POMT1: variants seen among roughly 807,000 people sequenced by gnomAD.
POMT1 encodes the protein protein O-mannosyltransferase 1, also known as protein O-mannosyl-transferase 1.
Under a neutral mutation model 101.6 loss-of-function variants are expected in POMT1, and 85 were observed. The observed-to-expected ratio is 0.84, with a 90% CI of 0.70 to 1.00. The LOEUF is 1.00. Among genes scored for constraint, POMT1 ranks in the 50% least tolerant of loss-of-function variants. POMT1 has a pLI of 0.00. For missense variants in POMT1, 857 were observed against 930.4 expected (o/e 0.92, Z 1.03); for synonymous variants, 371 against 383.0 (o/e 0.97, Z 0.37).
intron 4 of POMT1, 33 bp downstream of exon 4, chr9:131,506,486 G>A (rs745837375): frequency 4.4e-6 from 7 of 1,575,738 alleles, no homozygotes; most frequent in East Asian, 4.5e-5. Context: ...CTTTTAATGT[G>A]CGCAGGTTAG....
chr9:131,505,163 A>C (rs779269106), intron 2 of POMT1, among the ~76,000 whole-genome samples: 27 of 150,342 alleles, frequency 1.8e-4, no homozygotes, highest in South Asian at 6.2e-4. Context: ...TGACCCCCCC[A>C]CACACACCAG....
At position 131,518,858 on chromosome 9, in the gene POMT1, G is replaced by A. The variant is rs1949301698; in HGVS notation, c.1387G>A (p.Asp463Asn). Residue 463 changes from aspartate (D) to asparagine (N), a missense_variant, in exon 15 of 20, where the codon GAC becomes AAC. Coordinates refer to ENST00000402686, the MANE Select transcript of POMT1 (RefSeq NM_001077365.2). Reference protein sequence around the residue: ...VLKLSGAHLPDWGYRQLEIVG... With the variant: ...VLKLSGAHLPNWGYRQLEIVG... Reference sequence around the variant, plus strand: ...CCAGCTGAGCGGGGCTCACCTCCCTGACTGGGGGTATCGGCAACTGGAGAT... The same window carrying A: ...CCAGCTGAGCGGGGCTCACCTCCCTAACTGGGGGTATCGGCAACTGGAGAT... The A allele has an allele frequency of 2.4e-5, 38 of 1,614,020 alleles. No individual in the cohort carries two copies. The highest frequency in any genetic ancestry group is 3.1e-5 in the Non-Finnish European group (36 of 1,180,032).
At chr9:131,515,704 A>AGC (rs1948195389) in intron 13 of POMT1, among the ~76,000 whole-genome samples, 182 bp downstream of exon 13, 1 of 144,336 alleles carries the variant, frequency 6.9e-6, no homozygotes, top group African/African-American at 2.6e-5. Flanking sequence ...CCTCACACGG[A>AGC]ACACTTCCTC....
chr9:131,521,686 C>T (rs1649324233), intron 18 of POMT1, among the ~76,000 whole-genome samples: 1 of 152,128 alleles, frequency 6.6e-6, no homozygotes, highest in Admixed American at 6.5e-5. Flanking sequence ...CTCTTTGTTT[C>T]TGTATTGTGG....
chr9:131,513,243 C>T lies in POMT1; in HGVS notation c.1087C>T (p.Gln363Ter), dbSNP rs200056620. Residue 363 changes from glutamine (Q) to a stop codon, truncating the protein, a stop_gained, in exon 12 of 20, where the codon CAG becomes TAG. Coordinates refer to ENST00000402686, the MANE Select transcript of POMT1 (RefSeq NM_001077365.2). LOFTEE classifies it high-confidence loss of function. Reference sequence around the variant, plus strand: ...CGACAGCACTGTGTCTTCCAGGCACCAGCTGGTGGTGAGCAGCCCTCCGAG... The same window carrying T: ...CGACAGCACTGTGTCTTCCAGGCACTAGCTGGTGGTGAGCAGCCCTCCGAG... ...WWIVKDPRRHQLVVSSPPRPV... is the reference protein window; with the variant it reads ...WWIVKDPRRH 6.8e-5 allele frequency: 110 copies of T among 1,613,006 alleles called. No homozygotes were observed. The highest frequency in any genetic ancestry group is 8.6e-5 in the Non-Finnish European group (102 of 1,179,954).
intron 5 of POMT1, 94 bp downstream of exon 5, chr9:131,507,608 A>G (rs566084369): frequency 6.4e-7 from 1 of 1,554,896 alleles, no homozygotes; most frequent in East Asian, 2.3e-5. Context: ...GGCGAGCTGC[A>G]CCAGAAAGTG....
chr9:131,521,111 G>A, intron 17 of POMT1: 2 of 558,206 alleles, frequency 3.6e-6, no homozygotes, highest in Non-Finnish European at 6.5e-6. Context: ...CCAAAGTGCT[G>A]GGATTACAGG....
At position 131,507,388 on chromosome 9, in the gene POMT1, G is replaced by C. The variant is rs199552424; in HGVS notation, c.301G>C (p.Val101Leu). 9.9e-6 allele frequency: 16 copies of C among 1,614,094 alleles called. No homozygotes were observed. The highest frequency in any genetic ancestry group is 3.3e-5 in the South Asian group (3 of 91,086). The change falls in exon 5 of 20, where the codon GTG (valine) becomes CTG (leucine). Residue 101 changes from valine (V) to leucine (L), a missense_variant. Val to Leu is a conservative substitution (Grantham distance 32). Transcript: ENST00000402686. ...TCCAGAATACAGTAGCAACGTGCCT[G>C]TGTGGTCCCTGCGCCTGCTGCCAGC... ...IGAEYSSNVP[V>L]WSLRLLPALA...
chr9:131,515,659 C>G lies in POMT1; in HGVS notation c.1272+137C>G, dbSNP rs528603826. 200 of 814,038 alleles carry G rather than the reference C, an allele frequency of 2.5e-4. 1 individual carries two copies. In the East Asian group the frequency reaches 5.1e-3, roughly 21 times the overall value. The allele number at this position is 814,038 out of a possible 1,614,324, so 50.4% of individuals were successfully genotyped here. A position where few individuals can be genotyped will look rare whatever the true frequency, so the allele number is the denominator to read the frequency against. ...CACTTCATCACACGGAGCACTTCCT[C>G]TAACACGGAGCACTTCCTCTAACAC... On this transcript the variant is annotated intron_variant, in intron 13 of 19. Coordinates refer to ENST00000402686, the MANE Select transcript of POMT1 (RefSeq NM_001077365.2).
rs761863400 is a variant in POMT1 at position 131,509,993 on chromosome 9, CAAT to C, written c.697_699del (p.Asn233del). ...ACCTGCTTGGAGACCAGACTTTGTC[CAAT>C]GTAGGTGCTGATGTCCAGTGCTGCA... On this transcript the variant is annotated inframe_deletion and splice_region_variant, in exon 8 of 20. Coordinates refer to ENST00000402686, the MANE Select transcript of POMT1 (RefSeq NM_001077365.2). The C allele has an allele frequency of 2.6e-5, 42 of 1,614,092 alleles. No homozygotes were observed. Among genetic ancestry groups the C allele is most frequent in the Non-Finnish European group, 3.6e-5 (42 of 1,180,054 alleles).
At chr9:131,520,693 C>T (rs76330816) in intron 17 of POMT1, among the ~76,000 whole-genome samples, 2 of 152,252 alleles carry the variant, frequency 1.3e-5, no homozygotes, top group Non-Finnish European at 2.9e-5. Flanking sequence ...GGCAGAGGCT[C>T]AGGCCCAGAG....
chr9:131,522,922 A>G lies in POMT1; in HGVS notation c.2004-10A>G. ...AGCCACCCTCCCCCACGCTGCTCTGACCTCTGCAGGTCCCAGCTCCAGAGG... is the reference window on the plus strand; with the variant it reads ...AGCCACCCTCCCCCACGCTGCTCTGGCCTCTGCAGGTCCCAGCTCCAGAGG... On this transcript the variant is annotated splice_polypyrimidine_tract_variant and intron_variant, in intron 19 of 19. Coordinates refer to ENST00000402686, the MANE Select transcript of POMT1 (RefSeq NM_001077365.2). The surrounding 1 kb of genome is among the most constrained non-coding windows in gnomAD (Gnocchi z 5.5). The G allele has an allele frequency of 6.3e-7, 1 of 1,579,470 alleles. No homozygotes were observed.
At position 131,511,655 on chromosome 9, in the gene POMT1, C is replaced by T. The variant is rs138034574; in HGVS notation, c.986+188C>T. 0.01 allele frequency: 7,176 copies of T among 717,094 alleles called. 108 individuals carry two copies. Among genetic ancestry groups the T allele is most frequent in the South Asian group, 0.026 (1,475 of 57,842 alleles). The allele number at this position is 717,094 out of a possible 1,614,324, so 44.4% of individuals were successfully genotyped here. A position where few individuals can be genotyped will look rare whatever the true frequency, so the allele number is the denominator to read the frequency against. On this transcript the variant is annotated intron_variant, in intron 10 of 19. Transcript: ENST00000402686. The stretch of plus-strand genomic sequence containing the variant: ...GTTGCTGGAGGGACTTGGCGTGTGG[C>T]AGGGCCCAGGGTCGGCCCCAGCTCT...
At position 131,504,747 on chromosome 9, in the gene POMT1, A is replaced by ATATGTGTGTGTGTG. The variant is rs56692415; in HGVS notation, c.122+408_122+409insATGTGTGTGTGTGT. 7.6e-3 allele frequency among the ~76,000 whole-genome samples: 936 copies of ATATGTGTGTGTGTG among 122,722 alleles called. 25 individuals carry two copies. Among genetic ancestry groups the ATATGTGTGTGTGTG allele is most frequent in the East Asian group, 0.02 (86 of 4,374 alleles). 80.5% of individuals were successfully genotyped at this position (122,722 alleles called of 152,430 possible). A position where few individuals can be genotyped will look rare whatever the true frequency, so the allele number is the denominator to read the frequency against. Reference sequence around the variant, plus strand: ...TGAAGGGCTCTTTATTAACTGATTAATGTGTGTATGTGTGTGTGTGTGTGT... The same window carrying ATATGTGTGTGTGTG: ...TGAAGGGCTCTTTATTAACTGATTAATATGTGTGTGTGTGTGTGTGTATGTGTGTGTGTGTGTGT... On this transcript the variant is annotated intron_variant, in intron 2 of 19. Transcript: ENST00000402686.
At chr9:131,521,596 C>A in intron 18 of POMT1, 124 bp downstream of exon 18, 1 of 1,202,160 alleles carries the variant, frequency 8.3e-7, no homozygotes, top group Non-Finnish European at 1.2e-6. Flanking sequence ...TCCCATAGTG[C>A]TAGGATTACA....
In POMT1 at chr9:131,509,942, G is replaced by T; in HGVS notation, c.645G>T (p.Leu215=). The change falls in exon 8 of 20, where the codon CTG becomes CTT. Residue 215 remains leucine, a synonymous_variant. Coordinates refer to ENST00000402686, the MANE Select transcript of POMT1 (RefSeq NM_001077365.2). The part of the protein sequence containing the change: ...YMGVFTYVLV[L]GVAAVHAWHL... Reference sequence around the variant, plus strand: ...GTGTGTTCACGTACGTGCTCGTGCTGGGTGTTGCAGCTGTCCATGCCTGGC... The same window carrying T: ...GTGTGTTCACGTACGTGCTCGTGCTTGGTGTTGCAGCTGTCCATGCCTGGC... 1 of 1,614,238 alleles carries T rather than the reference G, an allele frequency of 6.2e-7. No homozygotes were observed. Among genetic ancestry groups the T allele is most frequent in the Non-Finnish European group, 8.5e-7 (1 of 1,180,048 alleles).
intron 5 of POMT1, among the ~76,000 whole-genome samples, chr9:131,507,852 A>G (rs1588352849): frequency 6.6e-6 from 1 of 152,322 alleles, no homozygotes; most frequent in East Asian, 1.9e-4. Flanking sequence ...GCCTTGGCCA[A>G]TTGAGATGGA....
rs2131866198 is a variant in POMT1, at chr9:131,519,394, G to A, written c.1492G>A (p.Glu498Lys). 1.9e-6 allele frequency: 3 copies of A among 1,551,746 alleles called. No homozygotes were observed. The highest frequency in any genetic ancestry group is 2.0e-5 in the Admixed American group (1 of 51,008). Reference sequence around the variant, plus strand: ...GCCCTTGTCTGTTCTGCCAGGCCAGGAGCAGAGGGAGCGGGAACGGGAGCT... The same window carrying A: ...GCCCTTGTCTGTTCTGCCAGGCCAGAAGCAGAGGGAGCGGGAACGGGAGCT... ...VEEHRYGASQEQRERERELHS... is the reference protein window; with the variant it reads ...VEEHRYGASQKQRERERELHS... Residue 498 changes from glutamate (E) to lysine (K), a missense_variant, in exon 16 of 20, where the codon GAG becomes AAG. By Grantham distance (56) the Glu-to-Lys change is moderately conservative. Transcript: ENST00000402686. This position sits in a 1 kb window ranked among gnomAD's most constrained non-coding sequence, Gnocchi z 4.3.
At chr9:131,511,978 T>G in intron 10 of POMT1, 63 bp from the exon 11 acceptor site, 1 of 1,586,108 alleles carries the variant, frequency 6.3e-7, no homozygotes, top group Non-Finnish European at 8.6e-7. Context: ...CCCAAAGTGC[T>G]CTGATTACAG....
Sources: gnomAD v4.1 joint callset for allele counts (sites outside exome capture counted in the v4.1 genomes callset) on GRCh38, gnomAD v4.1.1 for gene constraint, Gnocchi (gnomAD v3.1) non-coding constraint, MANE v1.5 for transcripts, NCBI Gene and HGNC (gene_info 2026-07-23, HGNC 2026-07-21) for gene names.